SLC2A12: variants seen among roughly 807,000 people sequenced by gnomAD.
SLC2A12 encodes the protein solute carrier family 2 member 12.
Under a neutral mutation model 41.8 loss-of-function variants are expected in SLC2A12, and 23 were observed. The observed-to-expected ratio is 0.55, with a 90% CI of 0.40 to 0.78. The LOEUF is 0.78. SLC2A12 is among the 30% of genes least tolerant of loss of function. The pLI is 0.00. For synonymous variants in SLC2A12, 295 were observed against 285.9 expected (o/e 1.03, Z -0.32); for missense variants, 654 against 745.6 (o/e 0.88, Z 1.43).
chr6:134,035,394 TGCCCTCTGCCCAGGA>T (rs1333892248), intron 1 of SLC2A12, among the ~76,000 whole-genome samples: 1 of 151,564 alleles, frequency 6.6e-6, no homozygotes, highest in Non-Finnish European at 1.5e-5. Context: ...ATGGGAGTCC[TGCCCTCTGCCCAGGA>T]GGAAGAAATG....
At chr6:134,002,566 G>A (rs1218202602) in intron 3 of SLC2A12, among the ~76,000 whole-genome samples, 1 of 151,986 alleles carries the variant, frequency 6.6e-6, no homozygotes, top group East Asian at 1.9e-4. Flanking sequence ...CTGTTCGGTG[G>A]ACAATTTTTT....
chr6:134,030,114 A>C (rs1777182894), intron 1 of SLC2A12, among the ~76,000 whole-genome samples: 1 of 152,182 alleles, frequency 6.6e-6, no homozygotes, highest in African/African-American at 2.4e-5. Context: ...GTCCCATTCC[A>C]GTTCTCTAAA....
rs765464154 is a variant in SLC2A12, at chr6:134,048,825, C to G, written c.103+3553G>C. 8.1e-4 allele frequency among the ~76,000 whole-genome samples: 123 copies of G among 152,328 alleles called. No homozygotes were observed. In the Middle Eastern group the frequency reaches 0.01, roughly 13 times the overall value. On this transcript the variant is annotated intron_variant, in intron 1 of 4. Coordinates refer to ENST00000275230, the MANE Select transcript of SLC2A12 (RefSeq NM_145176.3). ...TAACTGGCCTCTTACTAGAATCTGTCTTCTCACAACCAAAGCTCTGACATC... is the reference window on the plus strand; with the variant it reads ...TAACTGGCCTCTTACTAGAATCTGTGTTCTCACAACCAAAGCTCTGACATC...
Position 134,052,415 on chromosome 6 carries a change from C to T in SLC2A12, c.66G>A (p.Thr22=). Residue 22 remains threonine (T), a synonymous_variant, in exon 1 of 5, where the codon ACG becomes ACA. Coordinates refer to ENST00000275230, the MANE Select transcript of SLC2A12 (RefSeq NM_145176.3). ...GAGGATGCCGGCTGCCGCTGCCCTCCGTCTCCACGGCTGTCCCCTTCTGGT... is the reference window on the plus strand; with the variant it reads ...GAGGATGCCGGCTGCCGCTGCCCTCTGTCTCCACGGCTGTCCCCTTCTGGT... The part of the protein sequence containing the change: ...LLNQKGTAVE[T]EGSGSRHPPW... 1 of 1,613,416 alleles carries T rather than the reference C, an allele frequency of 6.2e-7. No homozygotes were observed. The highest frequency in any genetic ancestry group is 2.2e-5 in the East Asian group (1 of 44,878).
intron 2 of SLC2A12, among the ~76,000 whole-genome samples, chr6:134,010,200 A>C (rs1429041021): frequency 6.6e-6 from 1 of 152,160 alleles, no homozygotes; most frequent in African/African-American, 2.4e-5. Flanking sequence ...GAGTTTTCTT[A>C]AAATCACTAA....
intron 2 of SLC2A12, among the ~76,000 whole-genome samples, chr6:134,026,341 A>C (rs1582614799): frequency 6.6e-6 from 1 of 152,232 alleles, no homozygotes; most frequent in Non-Finnish European, 1.5e-5. Context: ...AGCTTATTGT[A>C]CTTGTTAACA....
chr6:134,028,347 T>A (rs979639624), intron 2 of SLC2A12, 34 bp downstream of exon 2: 1 of 1,559,768 alleles, frequency 6.4e-7, no homozygotes. Flanking sequence ...CTCTGACTGG[T>A]CAAAAGCAAT....
intron 1 of SLC2A12, among the ~76,000 whole-genome samples, chr6:134,049,407 G>C (rs1196302524): frequency 6.6e-6 from 1 of 152,182 alleles, no homozygotes; most frequent in East Asian, 1.9e-4. Flanking sequence ...AGGAAGCCTG[G>C]GAGCTGAAGT....
At chr6:134,000,664 C>T (rs1476903528) in intron 4 of SLC2A12, among the ~76,000 whole-genome samples, 2 of 152,144 alleles carry the variant, frequency 1.3e-5, no homozygotes, top group Non-Finnish European at 2.9e-5. Flanking sequence ...GCCCCTATGT[C>T]TCACCTCTTC....
intron 1 of SLC2A12, among the ~76,000 whole-genome samples, chr6:134,040,361 G>A (rs956899639): frequency 6.6e-5 from 10 of 152,134 alleles, no homozygotes; most frequent in South Asian, 2.1e-4. Context: ...TTACAGGTGT[G>A]AGCCACCACG....
chr6:134,004,160 T>A (rs898520455), intron 3 of SLC2A12, among the ~76,000 whole-genome samples: 1 of 152,182 alleles, frequency 6.6e-6, no homozygotes, highest in Admixed American at 6.5e-5. Context: ...ATCTTTTCCA[T>A]CCCTCATCAA....
At chr6:134,016,289 T>A (rs898640657) in intron 2 of SLC2A12, among the ~76,000 whole-genome samples, 7 of 145,894 alleles carry the variant, frequency 4.8e-5, no homozygotes, top group South Asian at 4.2e-4. Flanking sequence ...AAAGAAAAAA[T>A]AAATAAATAA....
chr6:134,042,008 A>G (rs1454684432), intron 1 of SLC2A12, among the ~76,000 whole-genome samples: 4 of 152,222 alleles, frequency 2.6e-5, no homozygotes, highest in Admixed American at 1.3e-4. Flanking sequence ...ATGTTGAAAA[A>G]ATAGTAAAAG....
chr6:134,051,088 T>C (rs897588558), intron 1 of SLC2A12, among the ~76,000 whole-genome samples: 3 of 152,108 alleles, frequency 2.0e-5, no homozygotes, highest in African/African-American at 7.2e-5. Flanking sequence ...CTAATTTTTT[T>C]ATTTTTCTGT....
At chr6:134,008,854 T>C (rs1776845190) in intron 2 of SLC2A12, among the ~76,000 whole-genome samples, 1 of 152,194 alleles carries the variant, frequency 6.6e-6, no homozygotes, top group Non-Finnish European at 1.5e-5. Flanking sequence ...AACCATTTGC[T>C]TTAACAGCCA....
At chr6:134,044,790 C>T (rs1037321687) in intron 1 of SLC2A12, among the ~76,000 whole-genome samples, 1 of 150,938 alleles carries the variant, frequency 6.6e-6, no homozygotes, top group Non-Finnish European at 1.5e-5. Flanking sequence ...CACTGTGCCT[C>T]TCATGTAGTA....
At chr6:134,026,823 T>G (rs1425065221) in intron 2 of SLC2A12, among the ~76,000 whole-genome samples, 1 of 152,192 alleles carries the variant, frequency 6.6e-6, no homozygotes, top group Non-Finnish European at 1.5e-5. Flanking sequence ...CACAGCTGTT[T>G]AGGCCTGAAC....
intron 2 of SLC2A12, among the ~76,000 whole-genome samples, chr6:134,026,980 G>A (rs1178553857): frequency 6.6e-6 from 1 of 152,198 alleles, no homozygotes; most frequent in Admixed American, 6.5e-5. Flanking sequence ...ATGAGGAGGT[G>A]GAGTTAGAGC....
At chr6:134,005,718 T>G (rs1377255092) in intron 3 of SLC2A12, among the ~76,000 whole-genome samples, 1 of 140,076 alleles carries the variant, frequency 7.1e-6, no homozygotes, top group Non-Finnish European at 1.5e-5. Flanking sequence ...CTGCTCTCTA[T>G]CCTTAAATTT....
Sources: allele counts gnomAD v4.1 joint callset (sites outside exome capture counted in the v4.1 genomes callset), GRCh38; gene constraint gnomAD v4.1.1; transcripts MANE v1.5; gene names NCBI Gene and HGNC (gene_info 2026-07-23, HGNC 2026-07-21).